The following CASQ2 variants were observed in gnomAD, a reference collection of about 807,000 sequenced individuals.
CASQ2 encodes calsequestrin 2, also known as calsequestrin-2.
Under a neutral mutation model 46.5 loss-of-function variants are expected in CASQ2, and 49 were observed. The ratio of observed to expected loss-of-function variants is 1.05; its 90% CI spans 0.84 to 1.34. The LOEUF is 1.34. CASQ2 is among the 40% of genes most tolerant of loss of function. The pLI is 0.00. For synonymous variants in CASQ2, 174 were observed against 168.5 expected, an observed-to-expected ratio of 1.03 and a Z score of -0.25; for missense variants, 486 against 481.3, an observed-to-expected ratio of 1.01 and a Z score of -0.09.
chr1:115,717,259 G>T (rs1461536635), intron 8 of CASQ2, among the ~76,000 whole-genome samples: 1 of 152,150 alleles, frequency 6.6e-6, no homozygotes, highest in African/African-American at 2.4e-5. Context: ...TGTGAGAATG[G>T]ACTAATACAA....
intron 2 of CASQ2, 91 bp downstream of exon 2, chr1:115,744,737 G>A (rs1476521841): frequency 1.8e-5 from 15 of 820,626 alleles, no homozygotes; most frequent in African/African-American, 5.0e-5. Flanking sequence ...AAGATAGTCC[G>A]CTTATGCAAG....
intron 1 of CASQ2, among the ~76,000 whole-genome samples, chr1:115,768,077 A>G (rs1442696283): frequency 6.6e-6 from 1 of 152,210 alleles, no homozygotes; most frequent in Non-Finnish European, 1.5e-5. Flanking sequence ...CATCAGACCC[A>G]TCGTAGTGTA....
At chr1:115,745,561 A>G (rs1280438307) in intron 1 of CASQ2, among the ~76,000 whole-genome samples, 1 of 152,104 alleles carries the variant, frequency 6.6e-6, no homozygotes, top group Non-Finnish European at 1.5e-5. Context: ...AGACACCAGC[A>G]TAGATGATGA....
At position 115,700,765 on chromosome 1, in the gene CASQ2, G is replaced by A; in HGVS notation, c.*476C>T. ...AAGAAGGATCATCTTGGCTGGAGGAGGGATCCCAACTGATGTTCGAGGTAT... is the reference window on the plus strand; with the variant it reads ...AAGAAGGATCATCTTGGCTGGAGGAAGGATCCCAACTGATGTTCGAGGTAT... On this transcript the variant is annotated 3_prime_UTR_variant, in exon 11 of 11. Coordinates refer to ENST00000261448, the MANE Select transcript of CASQ2 (RefSeq NM_001232.4). 2.3e-6 allele frequency: 1 copy of A among 426,296 alleles called. No individual in the cohort carries two copies. The highest frequency in any genetic ancestry group is 4.1e-6 in the Non-Finnish European group (1 of 242,030). The allele number at this position is 426,296 out of a possible 1,614,324, so 26.4% of individuals were successfully genotyped here. A position where few individuals can be genotyped will look rare whatever the true frequency, so the allele number is the denominator to read the frequency against.
intron 1 of CASQ2, among the ~76,000 whole-genome samples, chr1:115,747,670 G>C (rs974824407): frequency 6.6e-6 from 1 of 152,060 alleles, no homozygotes; most frequent in Admixed American, 6.5e-5. Context: ...ATAGTTTTCA[G>C]CCTACAAGTC....
At position 115,700,842 on chromosome 1, in the gene CASQ2, G is replaced by A. The variant is rs1305942907; in HGVS notation, c.*399C>T. 1.8e-6 allele frequency: 1 copy of A among 550,352 alleles called. No homozygotes were observed. The highest frequency in any genetic ancestry group is 3.2e-6 in the Non-Finnish European group (1 of 314,394). 34.1% of individuals were successfully genotyped at this position (550,352 alleles called of 1,614,324 possible). On this transcript the variant is annotated 3_prime_UTR_variant, in exon 11 of 11. Transcript: ENST00000261448. ...GTCTTCCCTGGGCTCTGATTAAAAGGTCACTCTATGCCTGTGAGTTAGAAA... is the reference window on the plus strand; with the variant it reads ...GTCTTCCCTGGGCTCTGATTAAAAGATCACTCTATGCCTGTGAGTTAGAAA...
chr1:115,724,943 C>A (rs1647524823), intron 7 of CASQ2, among the ~76,000 whole-genome samples: 1 of 152,174 alleles, frequency 6.6e-6, no homozygotes, highest in Non-Finnish European at 1.5e-5. Context: ...TGAACAGAAG[C>A]TATAGTCACT....
At position 115,701,266 on chromosome 1, in the gene CASQ2, T is replaced by C; in HGVS notation, c.1175A>G (p.Asp392Gly). Reference protein sequence around the residue: ...DDNSDEEDNDDSDDDDDE With the variant: ...DDNSDEEDNDGSDDDDDE The stretch of plus-strand genomic sequence containing the variant: ...CTATTCATCATCATCGTCATCACTG[T>C]CATCATTATCCTCTTCATCAGAATT... The change falls in exon 11 of 11, where the codon GAC becomes GGC. Residue 392 changes from aspartate to glycine, a missense_variant. Asp to Gly is a moderately conservative substitution (Grantham distance 94). Transcript: ENST00000261448. 6.2e-7 allele frequency: 1 copy of C among 1,606,014 alleles called. No homozygotes were observed. Among genetic ancestry groups the C allele is most frequent in the Non-Finnish European group, 8.5e-7 (1 of 1,172,738 alleles).
Position 115,729,875 on chromosome 1 carries a change from A to T in CASQ2, c.607-2753T>A, listed in dbSNP as rs145133831. ...GCACCCTTTGGCTCCAGTGTGATTT[A>T]AAAAAGAAAGTGATTTTTCGTCTCA... On this transcript the variant is annotated intron_variant, in intron 5 of 10. Transcript: ENST00000261448. Among the ~76,000 whole-genome samples, 309 of 152,336 alleles carry T rather than the reference A, an allele frequency of 2.0e-3. 2 individuals are homozygous for T. The highest frequency in any genetic ancestry group is 6.8e-3 in the African/African-American group (284 of 41,560).
intron 3 of CASQ2, among the ~76,000 whole-genome samples, chr1:115,738,913 A>G (rs9428207): frequency 0.27 from 40,488 of 148,048 alleles, 6,930 homozygotes; most frequent in Non-Finnish European, 0.39. Flanking sequence ...TTTGGCAACT[A>G]CTCTCTGCTT....
chr1:115,767,874 G>A (rs1453414340), intron 1 of CASQ2, among the ~76,000 whole-genome samples: 1 of 152,190 alleles, frequency 6.6e-6, no homozygotes, highest in Non-Finnish European at 1.5e-5. Context: ...GAGACGCAAG[G>A]TCAAGTAACT....
intron 1 of CASQ2, among the ~76,000 whole-genome samples, chr1:115,763,871 A>G (rs942853591): frequency 1.3e-5 from 2 of 152,222 alleles, no homozygotes; most frequent in African/African-American, 4.8e-5. Context: ...AGCAGTTTCA[A>G]GGAAAAAGAG....
chr1:115,701,061 A>C lies in CASQ2; in HGVS notation c.*180T>G. The C allele has an allele frequency of 1.1e-6, 1 of 878,906 alleles. No homozygotes were observed. The highest frequency in any genetic ancestry group is 1.9e-6 in the Non-Finnish European group (1 of 532,716). 54.4% of individuals were successfully genotyped at this position (878,906 alleles called of 1,614,324 possible). A position where few individuals can be genotyped will look rare whatever the true frequency, so the allele number is the denominator to read the frequency against. ...TGTCCCTGCTAAGTGGGATTGCTGC[A>C]TTTGAAAAGGCATTTGCTGAATGAT... is the stretch of plus-strand genomic sequence containing the variant. On this transcript the variant is annotated 3_prime_UTR_variant, in exon 11 of 11. Coordinates refer to ENST00000261448, the MANE Select transcript of CASQ2 (RefSeq NM_001232.4).
intron 2 of CASQ2, among the ~76,000 whole-genome samples, chr1:115,741,322 G>A (rs1648172028): frequency 6.6e-6 from 1 of 152,228 alleles, no homozygotes; most frequent in African/African-American, 2.4e-5. Context: ...GGTGAGTAAA[G>A]GAAAAGTCAC....
chr1:115,765,645 T>A (rs912172624), intron 1 of CASQ2, among the ~76,000 whole-genome samples: 5 of 152,120 alleles, frequency 3.3e-5, no homozygotes, highest in Admixed American at 2.0e-4. Context: ...TCATATGAAA[T>A]TTTTGTTTCT....
intron 1 of CASQ2, among the ~76,000 whole-genome samples, chr1:115,757,099 C>T (rs768760138): frequency 1.3e-5 from 2 of 152,168 alleles, no homozygotes; most frequent in Non-Finnish European, 2.9e-5. Flanking sequence ...GGTCTAAAAA[C>T]TTCTGAATCA....
At chr1:115,743,193 TTTTGTTTA>T (rs527779019) in intron 2 of CASQ2, among the ~76,000 whole-genome samples, 320 of 147,428 alleles carry the variant, frequency 2.2e-3, no homozygotes, top group Middle Eastern at 3.5e-3. Flanking sequence ...CATTCTTTAT[TTTTGTTTA>T]TTTATTTATT....
At chr1:115,732,697 T>C (rs1164664956) in intron 5 of CASQ2, among the ~76,000 whole-genome samples, 1 of 152,238 alleles carries the variant, frequency 6.6e-6, no homozygotes, top group Non-Finnish European at 1.5e-5. Context: ...TTTTCATAAA[T>C]ATCCTTACAT....
At chr1:115,746,946 T>G (rs1399804633) in intron 1 of CASQ2, among the ~76,000 whole-genome samples, 2 of 152,188 alleles carry the variant, frequency 1.3e-5, no homozygotes, top group African/African-American at 4.8e-5. Context: ...CCTAATCATT[T>G]CATCTTCTTA....
Sources: allele counts gnomAD v4.1 joint callset (sites outside exome capture counted in the v4.1 genomes callset), GRCh38; gene constraint gnomAD v4.1.1; transcripts MANE v1.5; gene names NCBI Gene and HGNC (gene_info 2026-07-23, HGNC 2026-07-21).